The following PPP1R16B variants were observed in gnomAD, a reference collection of about 807,000 sequenced individuals.
PPP1R16B encodes the protein protein phosphatase 1 regulatory inhibitor subunit 16B.
In PPP1R16B, 14 loss-of-function variants were observed where a neutral mutation model predicts 61.7. That is an observed-to-expected ratio of 0.23 (90% CI 0.15 to 0.35). PPP1R16B has a LOEUF of 0.35. PPP1R16B is among the 10% of genes least tolerant of loss of function. The probability of loss-of-function intolerance (pLI) is 1.00; values close to 1 mark genes in which losing one functional copy is unlikely to be tolerated. For missense variants in PPP1R16B, 547 were observed against 752.5 expected (o/e 0.73, Z 3.19); for synonymous variants, 266 against 305.3 (o/e 0.87, Z 1.34).
Position 38,868,639 on chromosome 20 carries a change from T to C in PPP1R16B, c.251-20956T>C, listed in dbSNP as rs374157685. Among the ~76,000 whole-genome samples the C allele has an allele frequency of 1.3e-4, 20 of 152,322 alleles. 1 individual carries two copies. The highest frequency in any genetic ancestry group is 5.9e-4 in the Admixed American group (9 of 15,300). ...CTCAAGTGATCCTCCCGCCTCAGCC[T>C]CCCAAATGGTAACATTTTGCAAAAC... On this transcript the variant is annotated intron_variant, in intron 2 of 10. Coordinates refer to ENST00000299824, the MANE Select transcript of PPP1R16B (RefSeq NM_015568.4).
In PPP1R16B at chr20:38,918,997, C is replaced by T. The variant is rs573896088; in HGVS notation, c.*331C>T. 28 of 246,032 alleles carry T rather than the reference C, an allele frequency of 1.1e-4. No individual in the cohort carries two copies. The Middle Eastern group carries it at 5.4e-3, about 47-fold the overall frequency. The allele number at this position is 246,032 out of a possible 1,614,324, so 15.2% of individuals were successfully genotyped here. A position where few individuals can be genotyped will look rare whatever the true frequency, so the allele number is the denominator to read the frequency against. On this transcript the variant is annotated 3_prime_UTR_variant, in exon 11 of 11. Coordinates refer to ENST00000299824, the MANE Select transcript of PPP1R16B (RefSeq NM_015568.4). The surrounding 1 kb of genome is among the most constrained non-coding windows in gnomAD (Gnocchi z 5.3). ...TCTCCGGATCAGTACATGCATGTCACATTAACACACACACACACACACATA... is the reference window on the plus strand; with the variant it reads ...TCTCCGGATCAGTACATGCATGTCATATTAACACACACACACACACACATA...
At chr20:38,839,689 T>C (rs2084897204) in intron 2 of PPP1R16B, among the ~76,000 whole-genome samples, 1 of 11,368 alleles carries the variant, frequency 8.8e-5, no homozygotes, top group African/African-American at 4.9e-4. Context: ...GCAATTTTCT[T>C]TTTTTTTTTC....
At chr20:38,853,374 G>C (rs1262725099) in intron 2 of PPP1R16B, among the ~76,000 whole-genome samples, 1 of 152,234 alleles carries the variant, frequency 6.6e-6, no homozygotes, top group Non-Finnish European at 1.5e-5. Context: ...TGAAGACTAA[G>C]AGAAGAAGAT....
intron 2 of PPP1R16B, among the ~76,000 whole-genome samples, chr20:38,879,093 T>C (rs569897903): frequency 8.6e-5 from 13 of 151,904 alleles, no homozygotes; most frequent in South Asian, 8.3e-4. Flanking sequence ...TAAGGAGAGG[T>C]GCTGGGAGAA....
Position 38,849,206 on chromosome 20 carries a change from C to T in PPP1R16B, c.250+13031C>T, listed in dbSNP as rs569322572. Among the ~76,000 whole-genome samples the T allele has an allele frequency of 1.1e-3, 171 of 152,030 alleles. 1 individual carries two copies. The highest frequency in any genetic ancestry group is 4.0e-3 in the African/African-American group (165 of 41,442). On this transcript the variant is annotated intron_variant, in intron 2 of 10. Transcript: ENST00000299824. ...TTTTGTACATTAATGTTATACCAAG[C>T]GAATTTACTGAATTCACCTTAGTCT...
intron 2 of PPP1R16B, among the ~76,000 whole-genome samples, chr20:38,866,527 G>A (rs1158985961): frequency 1.3e-5 from 2 of 152,184 alleles, no homozygotes; most frequent in Non-Finnish European, 2.9e-5. Context: ...CTTCAGAAAC[G>A]AACCCAAAGA....
At chr20:38,884,072 G>T (rs530491503) in intron 2 of PPP1R16B, among the ~76,000 whole-genome samples, 7 of 152,168 alleles carry the variant, frequency 4.6e-5, no homozygotes, top group Non-Finnish European at 7.3e-5. Context: ...ACTCCTGGCC[G>T]AAGGGAATAA....
intron 10 of PPP1R16B, among the ~76,000 whole-genome samples, chr20:38,908,450 G>T (rs1345775870): frequency 1.3e-5 from 2 of 152,238 alleles, no homozygotes; most frequent in Non-Finnish European, 2.9e-5. Flanking sequence ...TGGCACACAG[G>T]TAGGTCTCCT....
At chr20:38,810,625 G>A (rs184814719) in intron 1 of PPP1R16B, among the ~76,000 whole-genome samples, 75 of 152,304 alleles carry the variant, frequency 4.9e-4, no homozygotes, top group African/African-American at 1.6e-3. Context: ...GGGTAGAAGT[G>A]GAGGAAGCGT....
At chr20:38,824,092 C>T (rs1172417648) in intron 1 of PPP1R16B, among the ~76,000 whole-genome samples, 1 of 152,208 alleles carries the variant, frequency 6.6e-6, no homozygotes, top group Non-Finnish European at 1.5e-5. Flanking sequence ...CAGTTTTCTC[C>T]TCTCTGAAAT....
At chr20:38,906,609 T>A (rs2085445633) in intron 7 of PPP1R16B, among the ~76,000 whole-genome samples, 1 of 152,202 alleles carries the variant, frequency 6.6e-6, no homozygotes, top group Non-Finnish European at 1.5e-5. Context: ...AATAGGATGG[T>A]AATCAAATTT....
At chr20:38,886,237 C>T (rs2085243925) in intron 2 of PPP1R16B, among the ~76,000 whole-genome samples, 1 of 152,178 alleles carries the variant, frequency 6.6e-6, no homozygotes, top group Admixed American at 6.5e-5. Flanking sequence ...GCAGCCTTGG[C>T]TCATGAGTAC....
At chr20:38,881,137 G>A (rs1469733401) in intron 2 of PPP1R16B, among the ~76,000 whole-genome samples, 1 of 152,212 alleles carries the variant, frequency 6.6e-6, no homozygotes, top group Non-Finnish European at 1.5e-5. Flanking sequence ...GGATCCCGGG[G>A]GAGCTGCCTG....
chr20:38,840,317 C>A (rs1049982494), intron 2 of PPP1R16B, among the ~76,000 whole-genome samples: 1 of 152,182 alleles, frequency 6.6e-6, no homozygotes, highest in African/African-American at 2.4e-5. Context: ...GAGTCAACCT[C>A]CCCCACCTGC....
intron 1 of PPP1R16B, among the ~76,000 whole-genome samples, chr20:38,813,046 A>AG (rs1482983646): frequency 6.6e-6 from 1 of 152,200 alleles, no homozygotes; most frequent in African/African-American, 2.4e-5. Context: ...CCAAGTCTAC[A>AG]GGTGAGGGTT....
At chr20:38,876,924 AT>A (rs1160892331) in intron 2 of PPP1R16B, among the ~76,000 whole-genome samples, 1 of 151,952 alleles carries the variant, frequency 6.6e-6, no homozygotes, top group Non-Finnish European at 1.5e-5. Context: ...TAGCTACTGT[AT>A]TTTTTTTCCA....
chr20:38,836,651 G>A (rs1241381703), intron 2 of PPP1R16B, among the ~76,000 whole-genome samples: 5 of 152,168 alleles, frequency 3.3e-5, no homozygotes, highest in African/African-American at 4.8e-5. Flanking sequence ...GAGCCGCAGC[G>A]CCAGGCCTAG....
chr20:38,902,919 G>C (rs1414453755), intron 6 of PPP1R16B, 127 bp downstream of exon 6: 3 of 1,430,698 alleles, frequency 2.1e-6, no homozygotes, highest in Non-Finnish European at 2.8e-6. Context: ...AATCCTTTTG[G>C]GCCAGGATTG....
At chr20:38,901,566 T>G (rs766596748) in intron 5 of PPP1R16B, among the ~76,000 whole-genome samples, 1 of 152,142 alleles carries the variant, frequency 6.6e-6, no homozygotes, top group South Asian at 2.1e-4. Flanking sequence ...TGCACCACCA[T>G]GCCCAGCTAA....
Sources: allele counts gnomAD v4.1 joint callset (sites outside exome capture counted in the v4.1 genomes callset), GRCh38; gene constraint gnomAD v4.1.1; non-coding constraint Gnocchi (gnomAD v3.1); transcripts MANE v1.5; gene names NCBI Gene and HGNC (gene_info 2026-07-23, HGNC 2026-07-21).